The following PIWIL3 variants were observed in gnomAD, a reference collection of about 807,000 sequenced individuals.
PIWIL3 encodes the protein piwi-like protein 3.
PIWIL3 carries 101 observed loss-of-function variants against 109.7 expected under a neutral mutation model. The observed-to-expected ratio is 0.92, with a 90% CI of 0.78 to 1.09. PIWIL3 has a LOEUF of 1.09. Among genes scored for constraint, PIWIL3 ranks in the 50% least tolerant of loss-of-function variants. The pLI is 0.00. For missense variants in PIWIL3, 1,031 were observed against 1,072.6 expected, an observed-to-expected ratio of 0.96 and a Z score of 0.54; for synonymous variants, 373 against 376.4, an observed-to-expected ratio of 0.99 and a Z score of 0.10.
intron 12 of PIWIL3, 90 bp downstream of exon 12, chr22:24,748,817 C>T (rs1037240544): frequency 4.5e-5 from 43 of 948,598 alleles, no homozygotes; most frequent in Non-Finnish European, 5.9e-5. Context: ...GAACAGCAGT[C>T]GTAGTCATTA....
intron 6 of PIWIL3, among the ~76,000 whole-genome samples, chr22:24,755,419 G>A (rs1173247844): frequency 1.3e-5 from 2 of 152,122 alleles, no homozygotes; most frequent in African/African-American, 4.8e-5. Flanking sequence ...CACCACGCCC[G>A]GCCTCAAACT....
chr22:24,744,205 A>AAAAAAAAAAAAAC (rs1569103676), intron 12 of PIWIL3, among the ~76,000 whole-genome samples: 1 of 148,084 alleles, frequency 6.8e-6, no homozygotes, highest in East Asian at 1.9e-4. Flanking sequence ...AAAAAAAAAA[A>AAAAAAAAAAAAAC]AACAATGATC....
chr22:24,770,865 G>A (rs1380456839), intron 1 of PIWIL3, among the ~76,000 whole-genome samples: 3 of 151,384 alleles, frequency 2.0e-5, no homozygotes, highest in Admixed American at 6.6e-5. Context: ...TAAATAAAAA[G>A]AAAGAAAGAA....
chr22:24,747,828 T>TG (rs1924462875), intron 12 of PIWIL3, among the ~76,000 whole-genome samples: 2 of 152,182 alleles, frequency 1.3e-5, no homozygotes, highest in Admixed American at 1.3e-4. Flanking sequence ...CATACGCAGT[T>TG]GGTGGGAATG....
In PIWIL3 at chr22:24,762,472, G is replaced by T. The variant is rs201056468; in HGVS notation, c.28C>A (p.Arg10=). The change falls in exon 2 of 21, where the codon CGA becomes AGA. Residue 10 remains arginine (R), a synonymous_variant. Coordinates refer to ENST00000616349, the MANE Select transcript of PIWIL3 (RefSeq NM_001255975.1). The part of the protein sequence containing the change: MPGRARTRA[R]GRARRRESYQ... ...CTCTCCCTGCGGCGGGCTCTGCCTC[G>T]GGCGCGAGTCCTTGCCCTACCAGGC... 7 of 1,613,536 alleles carry T rather than the reference G, an allele frequency of 4.3e-6. No individual in the cohort carries two copies. Among genetic ancestry groups the T allele is most frequent in the Non-Finnish European group, 5.1e-6 (6 of 1,179,868 alleles).
At chr22:24,756,045 G>A (rs141758642) in intron 5 of PIWIL3, 140 bp from the exon 6 acceptor site, 35 of 865,792 alleles carry the variant, frequency 4.0e-5, no homozygotes, top group African/African-American at 8.5e-5. Flanking sequence ...AAGTACGTGC[G>A]TGTGGAAAAC....
In PIWIL3 at chr22:24,764,745, C is replaced by T. The variant is rs142675256; in HGVS notation, c.-22-2224G>A. ...TCCACTCACTGCAACCTCAACCTCC[C>T]GGGCTCAAGAAATCCTCCCACTTCC... On this transcript the variant is annotated intron_variant, in intron 1 of 20. Transcript: ENST00000616349. 4.7e-3 allele frequency among the ~76,000 whole-genome samples: 714 copies of T among 151,728 alleles called. 6 individuals carry two copies. Among genetic ancestry groups the T allele is most frequent in the Non-Finnish European group, 7.4e-3 (506 of 67,958 alleles).
intron 1 of PIWIL3, among the ~76,000 whole-genome samples, chr22:24,770,220 G>A (rs553414349): frequency 8.5e-4 from 129 of 152,304 alleles, no homozygotes; most frequent in Non-Finnish European, 1.6e-3. Flanking sequence ...AAGTATTGAA[G>A]GCAAGACTCA....
In PIWIL3 at chr22:24,724,810, G is replaced by A. The variant is rs1922894579; in HGVS notation, c.2231+77C>T. On this transcript the variant is annotated intron_variant, in intron 18 of 20. Transcript: ENST00000616349. Reference sequence around the variant, plus strand: ...TGGTCTTGAACTCCTGGGCTCAAGGGATCTGCCCACCTTAACCTTCCAAAG... The same window carrying A: ...TGGTCTTGAACTCCTGGGCTCAAGGAATCTGCCCACCTTAACCTTCCAAAG... The A allele has an allele frequency of 1.6e-5, 24 of 1,468,008 alleles. No individual in the cohort carries two copies. The South Asian group carries it at 2.8e-4, about 17-fold the overall frequency. The allele number at this position is 1,468,008 out of a possible 1,614,324, so 90.9% of individuals were successfully genotyped here. A position where few individuals can be genotyped will look rare whatever the true frequency, so the allele number is the denominator to read the frequency against.
chr22:24,733,991 AAACCAAC>A (rs1434155102), intron 14 of PIWIL3, 86 bp downstream of exon 14: 1 of 1,412,734 alleles, frequency 7.1e-7, no homozygotes, highest in Non-Finnish European at 9.4e-7. Context: ...CAAGTTCAGG[AAACCAAC>A]AACAACATTT....
At position 24,749,773 on chromosome 22, in the gene PIWIL3, C is replaced by G. The variant is rs200754440; in HGVS notation, c.1136G>C (p.Ser379Thr). ...TAGGCCCTTTTTCCATCTGCCCTGG[C>G]TGACCAAAAGTGGCTGTTTCTTCAC... ...VTVKKQPLLV[S>T]QGRWKKGLTG... Residue 379 changes from serine to threonine, a missense_variant, in exon 10 of 21, where the codon AGC becomes ACC. Transcript: ENST00000616349. The G allele has an allele frequency of 1.9e-6, 3 of 1,613,886 alleles. No individual in the cohort carries two copies. The African/African-American group carries it at 4.0e-5, about 22-fold the overall frequency.
chr22:24,736,234 T>C (rs1487207493), intron 12 of PIWIL3, among the ~76,000 whole-genome samples: 2 of 152,190 alleles, frequency 1.3e-5, no homozygotes, highest in East Asian at 1.9e-4. Flanking sequence ...TCCACTCTAA[T>C]AGATCAAATG....
At chr22:24,773,868 C>A (rs1289758812) in intron 1 of PIWIL3, among the ~76,000 whole-genome samples, 1 of 152,006 alleles carries the variant, frequency 6.6e-6, no homozygotes, top group Non-Finnish European at 1.5e-5. Context: ...GCACCCGCCA[C>A]TGCGCCCAGT....
At chr22:24,772,621 AG>A (rs1336447979) in intron 1 of PIWIL3, among the ~76,000 whole-genome samples, 3 of 152,202 alleles carry the variant, frequency 2.0e-5, no homozygotes, top group Non-Finnish European at 4.4e-5. Context: ...GCCCTGGCAA[AG>A]GCTGCAGTCT....
intron 12 of PIWIL3, among the ~76,000 whole-genome samples, chr22:24,739,820 G>A (rs1457460898): frequency 6.6e-6 from 1 of 152,098 alleles, no homozygotes; most frequent in South Asian, 2.1e-4. Context: ...AGAGGCCGAG[G>A]CGGGAGGATC....
At chr22:24,721,328 TA>T (rs1922662117) in intron 19 of PIWIL3, among the ~76,000 whole-genome samples, 3 of 152,226 alleles carry the variant, frequency 2.0e-5, no homozygotes, top group Non-Finnish European at 4.4e-5. Context: ...TAAATTTTCT[TA>T]TGCCTGCTGA....
chr22:24,761,908 T>A, intron 2 of PIWIL3: 1 of 956,950 alleles, frequency 1.0e-6, no homozygotes, highest in East Asian at 1.2e-4. Flanking sequence ...TTCCATGCAG[T>A]ATATGGTCCC....
chr22:24,755,883 G>A lies in PIWIL3; in HGVS notation c.593C>T (p.Thr198Ile). Residue 198 changes from threonine to isoleucine, a missense_variant, in exon 6 of 21, where the codon ACC becomes ATC. Coordinates refer to ENST00000616349, the MANE Select transcript of PIWIL3 (RefSeq NM_001255975.1). The stretch of plus-strand genomic sequence containing the variant: ...AATCTTCACGATGTTTTTGTCTTTG[G>A]TTGTGCTCAACCATTCCACTCTCTG... ...KERRVEWLST[T>I]KDKNIVKITV... 6.2e-7 allele frequency: 1 copy of A among 1,613,158 alleles called. No individual in the cohort carries two copies. Among genetic ancestry groups the A allele is most frequent in the Non-Finnish European group, 8.5e-7 (1 of 1,179,616 alleles).
chr22:24,735,058 AAAAT>A (rs1923584352), intron 13 of PIWIL3, among the ~76,000 whole-genome samples: 2 of 151,868 alleles, frequency 1.3e-5, no homozygotes, highest in East Asian at 3.9e-4. Flanking sequence ...AAAAAATAAA[AAAAT>A]AAATAAATTA....
Sources: allele counts gnomAD v4.1 joint callset (sites outside exome capture counted in the v4.1 genomes callset), GRCh38; gene constraint gnomAD v4.1.1; transcripts MANE v1.5; gene names NCBI Gene and HGNC (gene_info 2026-07-23, HGNC 2026-07-21).